The following PODN variants were observed in gnomAD, a reference collection of about 807,000 sequenced individuals.
PODN encodes the protein podocan.
In PODN, 40 loss-of-function variants were observed where a neutral mutation model predicts 52.7. The observed-to-expected ratio is 0.76, with a 90% CI of 0.59 to 0.99. PODN has a LOEUF of 0.99. Ranked by LOEUF, PODN falls within the 50% of genes least tolerant of loss-of-function variation. PODN has a pLI of 0.00. For missense variants in PODN, 720 were observed against 815.1 expected, an observed-to-expected ratio of 0.88 and a Z score of 1.42; for synonymous variants, 396 against 377.9, an observed-to-expected ratio of 1.05 and a Z score of -0.56.
At position 53,078,604 on chromosome 1, in the gene PODN, A is replaced by C; in HGVS notation, c.1094A>C (p.His365Pro). The change falls in exon 8 of 11, where the codon CAC becomes CCC. Residue 365 changes from histidine (H) to proline (P), a missense_variant. By Grantham distance (77) the His-to-Pro change is moderately conservative. Transcript: ENST00000312553. Reference protein sequence around the residue: ...FQGLKRLHTVHLYNNALERVP... With the variant: ...FQGLKRLHTVPLYNNALERVP... The stretch of plus-strand genomic sequence containing the variant: ...GGCCTCAAGCGGTTGCACACGGTGC[A>C]CCTGTACAACAACGCGCTGGAGCGC... The C allele has an allele frequency of 1.9e-6, 3 of 1,613,042 alleles. No individual in the cohort carries two copies. Among genetic ancestry groups the C allele is most frequent in the Non-Finnish European group, 1.7e-6 (2 of 1,180,008 alleles).
intron 10 of PODN, among the ~76,000 whole-genome samples, chr1:53,083,385 G>A (rs929073965): frequency 2.6e-5 from 4 of 152,234 alleles, no homozygotes; most frequent in African/African-American, 9.6e-5. Flanking sequence ...TTGGGTGCTG[G>A]TGGGAAGAGG....
In PODN at chr1:53,080,889, T is replaced by G. The variant is rs757702555; in HGVS notation, c.1661+13T>G. 6.2e-7 allele frequency: 1 copy of G among 1,613,362 alleles called. No homozygotes were observed. The highest frequency in any genetic ancestry group is 8.5e-7 in the Non-Finnish European group (1 of 1,179,924). ...GGATCTTTCTCAGGTAGGAGCCCAC[T>G]CGCGGCCCTGTACACACCCCCGTGG... On this transcript the variant is annotated intron_variant, in intron 9 of 10. Transcript: ENST00000312553.
At chr1:53,062,475 T>C (rs1480118534) in intron 1 of PODN, among the ~76,000 whole-genome samples, 167 bp downstream of exon 1, 3 of 151,492 alleles carry the variant, frequency 2.0e-5, no homozygotes, top group African/African-American at 7.3e-5. Flanking sequence ...GCCGGAGATC[T>C]CCTCCTCTGG....
chr1:53,065,830 C>G (rs1363925478), intron 1 of PODN, among the ~76,000 whole-genome samples: 1 of 152,124 alleles, frequency 6.6e-6, no homozygotes, highest in Non-Finnish European at 1.5e-5. Context: ...CACACATTGA[C>G]CCCCTTGCTT....
chr1:53,081,571 C>A (rs533403917), intron 9 of PODN, among the ~76,000 whole-genome samples: 1 of 152,344 alleles, frequency 6.6e-6, no homozygotes, highest in East Asian at 1.9e-4. Context: ...GTGGCCCTGG[C>A]CTGGCTCAGC....
At chr1:53,081,639 CA>C (rs1644297238) in intron 9 of PODN, among the ~76,000 whole-genome samples, 2 of 152,210 alleles carry the variant, frequency 1.3e-5, no homozygotes, top group South Asian at 4.1e-4. Flanking sequence ...CTGGCTACCG[CA>C]GCCCAGGAGC....
intron 3 of PODN, among the ~76,000 whole-genome samples, chr1:53,072,532 T>G (rs1205846577): frequency 3.9e-5 from 6 of 152,120 alleles, no homozygotes; most frequent in Admixed American, 3.9e-4. Context: ...ACATCCAACA[T>G]GTGAGATTCT....
intron 1 of PODN, among the ~76,000 whole-genome samples, chr1:53,066,109 C>G (rs569882907): frequency 6.6e-6 from 1 of 151,458 alleles, no homozygotes; most frequent in East Asian, 2.0e-4. Flanking sequence ...GATCCTCCCA[C>G]TTCAGCCTCC....
chr1:53,069,860 C>T lies in PODN; in HGVS notation c.5C>T (p.Ala2Val). Residue 2 changes from alanine (A) to valine (V), a missense_variant, in exon 2 of 11, where the codon GCC becomes GTC. Ala to Val is a moderately conservative substitution (Grantham distance 64, BLOSUM62 0). Coordinates refer to ENST00000312553, the MANE Select transcript of PODN (RefSeq NM_153703.5). ...TCGGCACCCCCTGCAGGCACCATGG[C>T]CCAGAGCCGGGTGCTGCTGCTCCTG... M[A>V]QSRVLLLLLL... 1 of 1,572,430 alleles carries T rather than the reference C, an allele frequency of 6.4e-7. No homozygotes were observed.
intron 1 of PODN, 149 bp from the exon 2 acceptor site, chr1:53,069,652 G>C: frequency 1.7e-6 from 2 of 1,199,182 alleles, no homozygotes; most frequent in Non-Finnish European, 2.3e-6. Flanking sequence ...CCTCTGGAGG[G>C]CAGCCTGGTG....
intron 1 of PODN, among the ~76,000 whole-genome samples, chr1:53,065,365 AAAG>A (rs1276783578): frequency 1.8e-4 from 28 of 152,160 alleles, no homozygotes; most frequent in African/African-American, 6.8e-4. Flanking sequence ...CAAAAAAAAA[AAAG>A]AAAGTTGGAA....
chr1:53,068,765 A>G (rs1644069031), intron 1 of PODN, among the ~76,000 whole-genome samples: 1 of 152,116 alleles, frequency 6.6e-6, no homozygotes, highest in African/African-American at 2.4e-5. Context: ...GTAAACAGAA[A>G]CCAGGAACCC....
chr1:53,078,950 G>A lies in PODN; in HGVS notation c.1440G>A (p.Leu480=). 6.3e-7 allele frequency: 1 copy of A among 1,584,630 alleles called. No individual in the cohort carries two copies. The change falls in exon 8 of 11, where the codon CTG becomes CTA. Residue 480 remains leucine, a synonymous_variant. Coordinates refer to ENST00000312553, the MANE Select transcript of PODN (RefSeq NM_153703.5). The part of the protein sequence containing the change: ...ALVGMAQLRE[L]YLTSNRLRSR... ...TGGGCATGGCTCAGCTGCGTGAGCT[G>A]TACCTCACCAGCAACCGACTGCGCA...
intron 1 of PODN, among the ~76,000 whole-genome samples, chr1:53,065,463 G>T (rs564492617): frequency 6.6e-6 from 1 of 152,304 alleles, no homozygotes; most frequent in Non-Finnish European, 1.5e-5. Context: ...GTGCCTCACA[G>T]CCCTGAGAGT....
chr1:53,083,643 AC>A lies in PODN; in HGVS notation c.*28-867del, dbSNP rs983608057. Among the ~76,000 whole-genome samples the A allele has an allele frequency of 7.9e-5, 12 of 152,284 alleles. No individual in the cohort carries two copies. The Middle Eastern group carries it at 0.01, about 129-fold the overall frequency. On this transcript the variant is annotated intron_variant, in intron 10 of 10. Coordinates refer to ENST00000312553, the MANE Select transcript of PODN (RefSeq NM_153703.5). ...ATGGAGAAAATGGACAGGTGGATCC[AC>A]CCACAGCTGAGTTTTTCAGCCAAGA... is the stretch of plus-strand genomic sequence containing the variant.
chr1:53,066,920 T>C (rs2150292308), intron 1 of PODN: 1 of 1,511,354 alleles, frequency 6.6e-7, no homozygotes, highest in African/African-American at 1.4e-5. Flanking sequence ...ATTCTTCTCC[T>C]TGGCCTTCTG....
intron 9 of PODN, 150 bp from the exon 10 acceptor site, chr1:53,081,831 C>A (rs953003698): frequency 2.5e-6 from 3 of 1,178,158 alleles, no homozygotes; most frequent in Non-Finnish European, 3.5e-6. Context: ...TCATGTACTG[C>A]GCTCTCAGCC....
chr1:53,071,703 AG>A, intron 3 of PODN, 75 bp downstream of exon 3: 1 of 1,415,628 alleles, frequency 7.1e-7, no homozygotes, highest in Non-Finnish European at 9.8e-7. Context: ...CTGGGTGCCC[AG>A]GGGGAGAGCT....
intron 3 of PODN, chr1:53,073,199 C>G (rs1450339430): frequency 9.0e-6 from 2 of 221,336 alleles, no homozygotes; most frequent in Non-Finnish European, 1.9e-5. Flanking sequence ...TGAACTGCCA[C>G]ATGCATGTGG....
Sources: allele counts gnomAD v4.1 joint callset (sites outside exome capture counted in the v4.1 genomes callset), GRCh38; gene constraint gnomAD v4.1.1; transcripts MANE v1.5; gene names NCBI Gene and HGNC (gene_info 2026-07-23, HGNC 2026-07-21).